The following TMC7 variants were observed in gnomAD, a reference collection of about 807,000 sequenced individuals.
The protein encoded by TMC7 is transmembrane channel-like protein 7.
Under a neutral mutation model 82.9 loss-of-function variants are expected in TMC7, and 54 were observed. That is an observed-to-expected ratio of 0.65 (90% CI 0.52 to 0.82). The LOEUF (loss-of-function observed/expected upper bound fraction) is 0.82, where lower values mean the gene tolerates loss of function less well. TMC7 is among the 40% of genes least tolerant of loss of function. The pLI is 0.00. For synonymous variants in TMC7, 350 were observed against 337.9 expected (o/e 1.04, Z -0.39); for missense variants, 820 against 901.2 (o/e 0.91, Z 1.15).
chr16:19,033,233 T>A (rs1960597811), intron 6 of TMC7, among the ~76,000 whole-genome samples: 1 of 152,218 alleles, frequency 6.6e-6, no homozygotes, highest in Non-Finnish European at 1.5e-5. Flanking sequence ...GAATGAAATC[T>A]TAGCACTCTG....
chr16:19,059,085 T>G (rs1022728871), intron 14 of TMC7, among the ~76,000 whole-genome samples: 3 of 151,946 alleles, frequency 2.0e-5, no homozygotes, highest in African/African-American at 7.3e-5. Flanking sequence ...ACCATGTTGG[T>G]CAGGCTGGTC....
At chr16:19,059,595 C>T (rs560791582) in intron 15 of TMC7, 101 bp downstream of exon 15, 3 of 1,605,756 alleles carry the variant, frequency 1.9e-6, no homozygotes, top group Non-Finnish European at 2.5e-6. Context: ...TTACTGCAGC[C>T]TTCTCTCACC....
At chr16:18,987,006 C>CGAAGACGGTGAATG (rs2038862827) in intron 1 of TMC7, among the ~76,000 whole-genome samples, 1 of 151,930 alleles carries the variant, frequency 6.6e-6, no homozygotes, top group African/African-American at 2.4e-5. Flanking sequence ...AGGGTTTCAC[C>CGAAGACGGTGAATG]GTCTTAGCCA....
intron 1 of TMC7, among the ~76,000 whole-genome samples, chr16:19,004,451 G>A (rs918078705): frequency 6.6e-6 from 1 of 151,892 alleles, no homozygotes; most frequent in African/African-American, 2.4e-5. Flanking sequence ...TGCAACCTCC[G>A]CCTCCTGGCT....
intron 2 of TMC7, among the ~76,000 whole-genome samples, chr16:19,009,666 G>T (rs761893494): frequency 6.6e-6 from 1 of 151,604 alleles, no homozygotes; most frequent in South Asian, 2.1e-4. Flanking sequence ...CAGGCCGGGC[G>T]CGGTGGCTCA....
chr16:18,989,671 A>G (rs2142113154), intron 1 of TMC7, among the ~76,000 whole-genome samples: 1 of 150,664 alleles, frequency 6.6e-6, no homozygotes, highest in African/African-American at 2.4e-5. Flanking sequence ...TGGAGCTTCT[A>G]GTCAAGCGAG....
chr16:18,991,410 G>A (rs181849968), intron 1 of TMC7, among the ~76,000 whole-genome samples: 1 of 152,110 alleles, frequency 6.6e-6, no homozygotes, highest in African/African-American at 2.4e-5. Context: ...CTCTATCCTT[G>A]AGTTTTTTTA....
intron 2 of TMC7, among the ~76,000 whole-genome samples, chr16:19,015,083 C>A (rs1435693787): frequency 6.6e-6 from 1 of 152,026 alleles, no homozygotes; most frequent in Non-Finnish European, 1.5e-5. Context: ...CCTGCCTCAG[C>A]CTCCCTAGTA....
intron 1 of TMC7, among the ~76,000 whole-genome samples, chr16:19,003,047 C>A (rs1002439415): frequency 3.9e-5 from 6 of 152,196 alleles, no homozygotes; most frequent in African/African-American, 1.4e-4. Flanking sequence ...AAAGCCAGAG[C>A]AGGCCAAGGG....
chr16:19,059,416 C>A lies in TMC7; in HGVS notation c.2028C>A (p.Cys676Ter). The A allele has an allele frequency of 6.2e-7, 1 of 1,613,126 alleles. No individual in the cohort carries two copies. Among genetic ancestry groups the A allele is most frequent in the Non-Finnish European group, 8.5e-7 (1 of 1,179,546 alleles). ...GTGACCTGTCTGTCTTGTGTTGCAG[C>A]CTCATCATGTTTTACTTCATTGCCT... The part of the protein sequence containing the change: ...AFAVPFFMII[C>*]LIMFYFIALA... Residue 676 changes from cysteine to a stop codon, truncating the protein, a stop_gained and splice_region_variant, in exon 15 of 16, where the codon TGC becomes TGA. Transcript: ENST00000304381. LOFTEE classifies it high-confidence loss of function.
chr16:19,059,995 AG>A, intron 15 of TMC7: 2 of 303,318 alleles, frequency 6.6e-6, no homozygotes, highest in South Asian at 6.8e-5. Context: ...AAATAAAAAA[AG>A]ATGTGTATTA....
intron 1 of TMC7, among the ~76,000 whole-genome samples, chr16:19,001,123 C>T (rs769169607): frequency 6.6e-6 from 1 of 152,180 alleles, no homozygotes; most frequent in African/African-American, 2.4e-5. Flanking sequence ...ATCTTTTACT[C>T]ATTTTTTTGA....
chr16:19,022,977 G>A, intron 4 of TMC7, 136 bp from the exon 5 acceptor site: 1 of 453,612 alleles, frequency 2.2e-6, no homozygotes, highest in South Asian at 3.6e-5. Context: ...CCAAGATCAC[G>A]CCATTGCACT....
Position 19,021,619 on chromosome 16 carries a change from T to C in TMC7, c.461-10T>C. The C allele has an allele frequency of 1.9e-6, 3 of 1,613,974 alleles. No individual in the cohort carries two copies. On this transcript the variant is annotated splice_polypyrimidine_tract_variant and intron_variant, in intron 3 of 15. Coordinates refer to ENST00000304381, the MANE Select transcript of TMC7 (RefSeq NM_024847.4). ...CCCTGGTCAGTGATGTCCGGGTTTG[T>C]TTTTTCCAGGGAAATTTGGCACTGG...
At chr16:19,056,968 AT>A (rs11365808) in intron 14 of TMC7, among the ~76,000 whole-genome samples, 100,022 of 150,768 alleles carry the variant, frequency 0.66, 33,796 homozygotes, top group East Asian at 0.75. Flanking sequence ...CTACAAAAAA[AT>A]AAATAAATAA....
intron 1 of TMC7, among the ~76,000 whole-genome samples, chr16:18,988,303 TGCCACCAGGCCTG>T: frequency 6.6e-6 from 1 of 152,024 alleles, no homozygotes; most frequent in East Asian, 1.9e-4. Flanking sequence ...TACAGGTGTG[TGCCACCAGGCCTG>T]GCTAATTTTT....
intron 10 of TMC7, 154 bp from the exon 11 acceptor site, chr16:19,045,187 G>A (rs1961213067): frequency 4.9e-6 from 4 of 821,104 alleles, no homozygotes; most frequent in East Asian, 4.9e-5. Context: ...TGGAAACCAA[G>A]GTCTGTGCTG....
chr16:18,984,188 A>G, intron 1 of TMC7, 58 bp downstream of exon 1: 1 of 1,436,098 alleles, frequency 7.0e-7, no homozygotes, highest in Admixed American at 2.8e-5. Flanking sequence ...GGGCGCACGG[A>G]GGGAGCCGGG....
chr16:19,001,460 C>G (rs1362052206), intron 1 of TMC7, among the ~76,000 whole-genome samples: 1 of 152,166 alleles, frequency 6.6e-6, no homozygotes, highest in Non-Finnish European at 1.5e-5. Context: ...GTGGGAGGAT[C>G]ACTTGAGCCC....
Sources: gnomAD v4.1 joint callset for allele counts (sites outside exome capture counted in the v4.1 genomes callset) on GRCh38, gnomAD v4.1.1 for gene constraint, MANE v1.5 for transcripts, NCBI Gene and HGNC (gene_info 2026-07-23, HGNC 2026-07-21) for gene names.